PCDH9: variants seen among roughly 807,000 people sequenced by gnomAD.
PCDH9 encodes protocadherin-9.
Under a neutral mutation model 70.6 loss-of-function variants are expected in PCDH9, and 24 were observed. That is an observed-to-expected ratio of 0.34 (90% CI 0.25 to 0.48). The LOEUF (loss-of-function observed/expected upper bound fraction) is 0.48, where lower values mean the gene tolerates loss of function less well. Ranked by LOEUF, PCDH9 falls within the 20% of genes least tolerant of loss-of-function variation. PCDH9 has a pLI of 0.99. For missense variants in PCDH9, 1,281 were observed against 1,503.6 expected (o/e 0.85, Z 2.45); for synonymous variants, 562 against 558.5 (o/e 1.01, Z -0.09).
At chr13:66,664,504 T>A (rs2078065543) in intron 3 of PCDH9, among the ~76,000 whole-genome samples, 1 of 151,814 alleles carries the variant, frequency 6.6e-6, no homozygotes, top group African/African-American at 2.4e-5. Flanking sequence ...TGAATAAGAA[T>A]TAAGGAATTG....
intron 4 of PCDH9, among the ~76,000 whole-genome samples, chr13:66,359,580 G>T (rs1956435499): frequency 6.6e-6 from 1 of 152,028 alleles, no homozygotes; most frequent in Admixed American, 6.6e-5. Flanking sequence ...TTTGTAAGCA[G>T]GTTCCATCCT....
intron 2 of PCDH9, among the ~76,000 whole-genome samples, chr13:66,930,162 T>C (rs926604233): frequency 6.6e-6 from 1 of 152,188 alleles, no homozygotes; most frequent in African/African-American, 2.4e-5. Flanking sequence ...ACCTTTATTT[T>C]ATTAAGGTAA....
At chr13:67,014,254 A>T (rs923776787) in intron 2 of PCDH9, among the ~76,000 whole-genome samples, 1 of 152,248 alleles carries the variant, frequency 6.6e-6, no homozygotes, top group East Asian at 1.9e-4. Flanking sequence ...ATTGTCTTAT[A>T]TTGATGCCCT....
chr13:66,619,233 G>T (rs1286883124), intron 4 of PCDH9, among the ~76,000 whole-genome samples: 1 of 152,000 alleles, frequency 6.6e-6, no homozygotes, highest in African/African-American at 2.4e-5. Context: ...TAATATTGAA[G>T]AATTCCTTTA....
chr13:66,622,120 C>T (rs1422895182), intron 4 of PCDH9, among the ~76,000 whole-genome samples: 1 of 152,216 alleles, frequency 6.6e-6, no homozygotes, highest in African/African-American at 2.4e-5. Context: ...TGTACTGGGT[C>T]CCCCAGCAGT....
rs547129774 is a variant in PCDH9, at chr13:67,158,926, C to T, written c.3036+66479G>A. Among the ~76,000 whole-genome samples, 7 of 152,218 alleles carry T rather than the reference C, an allele frequency of 4.6e-5. No homozygotes were observed. The East Asian group carries it at 9.7e-4, about 21-fold the overall frequency. On this transcript the variant is annotated intron_variant, in intron 2 of 4. Coordinates refer to ENST00000377865, the MANE Select transcript of PCDH9 (RefSeq NM_203487.3). ...ACTAGTTTATTTCTCATTGGAAAGA[C>T]GAAATAACAGTCTCCCTGTAGACTA...
chr13:66,547,785 T>A (rs530748992), intron 4 of PCDH9, among the ~76,000 whole-genome samples: 21 of 151,022 alleles, frequency 1.4e-4, no homozygotes, highest in African/African-American at 4.6e-4. Flanking sequence ...TAAGATAGAA[T>A]GCGCATTTTT....
At chr13:66,722,233 T>C (rs895877978) in intron 3 of PCDH9, among the ~76,000 whole-genome samples, 1 of 152,168 alleles carries the variant, frequency 6.6e-6, no homozygotes, top group Non-Finnish European at 1.5e-5. Flanking sequence ...ATCAGGCATG[T>C]GTGTATACCA....
At chr13:67,084,533 G>A (rs1258412780) in intron 2 of PCDH9, among the ~76,000 whole-genome samples, 2 of 152,094 alleles carry the variant, frequency 1.3e-5, no homozygotes, top group Non-Finnish European at 2.9e-5. Context: ...AGCCACTGGG[G>A]AGGTCAGGAC....
intron 4 of PCDH9, among the ~76,000 whole-genome samples, chr13:66,479,553 C>T (rs1227021471): frequency 6.6e-6 from 1 of 152,148 alleles, no homozygotes; most frequent in African/African-American, 2.4e-5. Flanking sequence ...GCTGGACTTC[C>T]TGGGTCGAGT....
At chr13:66,513,080 AG>A (rs1287072607) in intron 4 of PCDH9, among the ~76,000 whole-genome samples, 1 of 152,028 alleles carries the variant, frequency 6.6e-6, no homozygotes, top group Admixed American at 6.6e-5. Flanking sequence ...GGACCCCCAA[AG>A]TTCTGGGATT....
At chr13:66,644,247 A>C (rs2077742856) in intron 3 of PCDH9, among the ~76,000 whole-genome samples, 1 of 151,984 alleles carries the variant, frequency 6.6e-6, no homozygotes, top group Non-Finnish European at 1.5e-5. Context: ...AAACATGATA[A>C]GTTAACACTA....
chr13:66,653,354 C>T (rs2077879357), intron 3 of PCDH9, among the ~76,000 whole-genome samples: 1 of 152,084 alleles, frequency 6.6e-6, no homozygotes, highest in Admixed American at 6.6e-5. Flanking sequence ...GTCAAAAGAT[C>T]TGAATAGACA....
At chr13:66,689,586 T>C (rs548320568) in intron 3 of PCDH9, among the ~76,000 whole-genome samples, 7 of 152,274 alleles carry the variant, frequency 4.6e-5, no homozygotes, top group East Asian at 3.9e-4. Context: ...GCAATAGTTA[T>C]TGCCTTCTTT....
intron 3 of PCDH9, among the ~76,000 whole-genome samples, chr13:66,692,263 C>T (rs1429270216): frequency 6.6e-6 from 1 of 151,908 alleles, no homozygotes; most frequent in Non-Finnish European, 1.5e-5. Context: ...TATTAGAGGG[C>T]AAATATTTCC....
intron 3 of PCDH9, among the ~76,000 whole-genome samples, chr13:66,894,175 A>G (rs2082139244): frequency 6.6e-6 from 1 of 152,170 alleles, no homozygotes; most frequent in Non-Finnish European, 1.5e-5. Flanking sequence ...GAAGAAATAA[A>G]TGACATTTAA....
At position 66,437,404 on chromosome 13, in the gene PCDH9, C is replaced by CAAAAAAAAAAAAAAAA. The variant is rs66796123; in HGVS notation, c.3341-132392_3341-132377dup. Among the ~76,000 whole-genome samples, 23 of 45,578 alleles carry CAAAAAAAAAAAAAAAA rather than the reference C, an allele frequency of 5.0e-4. 1 individual carries two copies. Among genetic ancestry groups the CAAAAAAAAAAAAAAAA allele is most frequent in the African/African-American group, 1.5e-3 (22 of 14,550 alleles). The allele number at this position is 45,578 out of a possible 152,430, so 29.9% of individuals were successfully genotyped here. A position where few individuals can be genotyped will look rare whatever the true frequency, so the allele number is the denominator to read the frequency against. On this transcript the variant is annotated intron_variant, in intron 4 of 4. Transcript: ENST00000377865. ...TGGGTGACAGAGCAAGACTCTGTCT[C>CAAAAAAAAAAAAAAAA]AAAAAAAAAAAAAAAAAAAAAAGGA...
intron 2 of PCDH9, among the ~76,000 whole-genome samples, chr13:66,936,016 C>A (rs936485077): frequency 6.6e-6 from 1 of 152,092 alleles, no homozygotes; most frequent in African/African-American, 2.4e-5. Context: ...ATCCAGGGGG[C>A]AGAGGTTCCA....
chr13:66,961,662 G>A (rs769560387), intron 2 of PCDH9, among the ~76,000 whole-genome samples: 1 of 152,078 alleles, frequency 6.6e-6, no homozygotes, highest in Non-Finnish European at 1.5e-5. Context: ...TTAACCCAAT[G>A]TAAGGCTGCA....
Sources: allele counts gnomAD v4.1 joint callset (sites outside exome capture counted in the v4.1 genomes callset), GRCh38; gene constraint gnomAD v4.1.1; transcripts MANE v1.5; gene names NCBI Gene and HGNC (gene_info 2026-07-23, HGNC 2026-07-21).